Variants in DTHD1 observed in about 807,000 individuals in gnomAD.
DTHD1 encodes death domain containing 1, also known as death domain-containing protein 1.
DTHD1 carries 59 observed loss-of-function variants against 74.8 expected under a neutral mutation model. That is an observed-to-expected ratio of 0.79 (90% CI 0.64 to 0.98). The LOEUF (loss-of-function observed/expected upper bound fraction) is 0.98, where lower values mean the gene tolerates loss of function less well. DTHD1 is among the 50% of genes least tolerant of loss of function. The pLI is 0.00. For synonymous variants in DTHD1, 365 were observed against 371.1 expected (o/e 0.98, Z 0.19); for missense variants, 1,051 against 1,065.4 (o/e 0.99, Z 0.19).
chr4:36,341,093 G>A (rs978576625), intron 9 of DTHD1, among the ~76,000 whole-genome samples: 1 of 152,200 alleles, frequency 6.6e-6, no homozygotes, highest in Admixed American at 6.5e-5. Flanking sequence ...TTGAAGAAGG[G>A]CATAGAATGC....
chr4:36,290,990 T>C (rs761284786), intron 3 of DTHD1, among the ~76,000 whole-genome samples: 2 of 152,252 alleles, frequency 1.3e-5, no homozygotes, highest in Non-Finnish European at 2.9e-5. Flanking sequence ...TTTTGTGCTT[T>C]AGACTAACTT....
intron 7 of DTHD1, among the ~76,000 whole-genome samples, chr4:36,309,996 C>G (rs1757299479): frequency 6.6e-6 from 1 of 152,146 alleles, no homozygotes; most frequent in South Asian, 2.1e-4. Context: ...ATAATGACTT[C>G]TAGTTGCATC....
chr4:36,292,525 T>C (rs1187641327), intron 3 of DTHD1, among the ~76,000 whole-genome samples: 1 of 152,244 alleles, frequency 6.6e-6, no homozygotes, highest in Non-Finnish European at 1.5e-5. Flanking sequence ...ATGATTGAAG[T>C]GCACAGCAAC....
intron 7 of DTHD1, among the ~76,000 whole-genome samples, chr4:36,309,480 T>C (rs1757258695): frequency 6.6e-6 from 1 of 152,226 alleles, no homozygotes; most frequent in African/African-American, 2.4e-5. Context: ...GCTATTTTTG[T>C]TTTCACTCTA....
At chr4:36,306,010 T>C (rs1282388625) in intron 5 of DTHD1, among the ~76,000 whole-genome samples, 181 bp from the exon 6 acceptor site, 1 of 152,234 alleles carries the variant, frequency 6.6e-6, no homozygotes, top group African/African-American at 2.4e-5. Flanking sequence ...TACTACGTGC[T>C]TCTTTAGGGC....
rs1417070852 is a variant in DTHD1 at position 36,343,796 on chromosome 4, A to G, written c.2693A>G (p.Gln898Arg). The G allele has an allele frequency of 6.4e-7, 1 of 1,550,506 alleles. No individual in the cohort carries two copies. The highest frequency in any genetic ancestry group is 8.7e-7 in the Non-Finnish European group (1 of 1,146,396). ...KWENKVFTEP[Q>R]QCFDVAPE ...GAAAATAAAGTGTTCACTGAACCACAGCAGTGTTTTGATGTAGCCCCTGAG... is the reference window on the plus strand; with the variant it reads ...GAAAATAAAGTGTTCACTGAACCACGGCAGTGTTTTGATGTAGCCCCTGAG... The change falls in exon 10 of 10, where the codon CAG becomes CGG. Residue 898 changes from glutamine to arginine, a missense_variant. By Grantham distance (43) the Gln-to-Arg change is conservative. Transcript: ENST00000639862.
At chr4:36,285,978 T>C (rs951616198) in intron 2 of DTHD1, among the ~76,000 whole-genome samples, 1 of 152,202 alleles carries the variant, frequency 6.6e-6, no homozygotes, top group African/African-American at 2.4e-5. Context: ...ACTGATGCTC[T>C]TTCAGGTGTA....
chr4:36,343,126 T>C (rs1449563948), intron 9 of DTHD1, among the ~76,000 whole-genome samples: 1 of 148,972 alleles, frequency 6.7e-6, no homozygotes. Flanking sequence ...CAAAGCATGG[T>C]TGCGGACCTC....
rs151150710 is a variant in DTHD1 at position 36,296,116 on chromosome 4, A to T, written c.1643+1077A>T. Among the ~76,000 whole-genome samples the T allele has an allele frequency of 1.8e-4, 27 of 152,304 alleles. 1 individual carries two copies. The East Asian group carries it at 3.5e-3, about 20-fold the overall frequency. On this transcript the variant is annotated intron_variant, in intron 5 of 9. Coordinates refer to ENST00000639862, the MANE Select transcript of DTHD1 (RefSeq NM_001170700.3). ...CAGAAACCGATTATGTAAAAAAGGA[A>T]TGAAATCAATCTGGTATCAGTTTTA...
chr4:36,284,343 A>T lies in DTHD1; in HGVS notation c.639A>T (p.Pro213=), dbSNP rs1435069707. The stretch of plus-strand genomic sequence containing the variant: ...AAGAGTCACAGAATAAAATGTTCCC[A>T]GATAATGCAGAAAATGAAGATGATA... ...GQEESQNKMF[P]DNAENEDDKQ... Residue 213 remains proline, a synonymous_variant, in exon 2 of 10, where the codon CCA becomes CCT. Transcript: ENST00000639862. 6.5e-7 allele frequency: 1 copy of T among 1,537,210 alleles called. No individual in the cohort carries two copies. Among genetic ancestry groups the T allele is most frequent in the Admixed American group, 2.0e-5 (1 of 51,008 alleles).
chr4:36,325,402 T>C (rs149614916), intron 8 of DTHD1, among the ~76,000 whole-genome samples: 1,923 of 152,318 alleles, frequency 0.013, 41 homozygotes, highest in African/African-American at 0.044. Context: ...TGGAAAGCCA[T>C]TGGAAAATTT....
chr4:36,340,873 A>C (rs1042949484), intron 9 of DTHD1, among the ~76,000 whole-genome samples: 2 of 152,032 alleles, frequency 1.3e-5, no homozygotes, highest in Non-Finnish European at 2.9e-5. Context: ...TATTAGGAGG[A>C]AGAGAGTTAG....
chr4:36,295,509 T>C (rs144946335), intron 5 of DTHD1, among the ~76,000 whole-genome samples: 64 of 151,646 alleles, frequency 4.2e-4, no homozygotes, highest in Non-Finnish European at 8.6e-4. Flanking sequence ...CATTCAAGGG[T>C]AAGAAAAAAA....
intron 1 of DTHD1, among the ~76,000 whole-genome samples, chr4:36,282,404 A>C (rs1008843560): frequency 2.6e-5 from 4 of 152,228 alleles, no homozygotes; most frequent in African/African-American, 9.6e-5. Flanking sequence ...TAGAGACAGG[A>C]AAATACAGGC....
chr4:36,306,806 A>C (rs1757081455), intron 6 of DTHD1, among the ~76,000 whole-genome samples: 1 of 152,260 alleles, frequency 6.6e-6, no homozygotes, highest in East Asian at 1.9e-4. Context: ...AGCCACTCAT[A>C]GAGACAGGTG....
At chr4:36,343,229 A>G (rs1173584993) in intron 9 of DTHD1, among the ~76,000 whole-genome samples, 1 of 152,154 alleles carries the variant, frequency 6.6e-6, no homozygotes, top group African/African-American at 2.4e-5. Context: ...GAGCGTAAAA[A>G]CCATTTTAAC....
chr4:36,299,725 G>C (rs183113563), intron 5 of DTHD1, among the ~76,000 whole-genome samples: 1 of 152,212 alleles, frequency 6.6e-6, no homozygotes, highest in African/African-American at 2.4e-5. Flanking sequence ...CTGTCTCTAT[G>C]TGCCATATTC....
intron 1 of DTHD1, among the ~76,000 whole-genome samples, chr4:36,282,277 G>T (rs1197936722): frequency 6.6e-6 from 1 of 152,132 alleles, no homozygotes; most frequent in Non-Finnish European, 1.5e-5. Context: ...CCATCTGTAG[G>T]GTGGGGAATT....
chr4:36,321,666 C>A (rs151065196), intron 8 of DTHD1, among the ~76,000 whole-genome samples: 230 of 152,290 alleles, frequency 1.5e-3, no homozygotes, highest in Middle Eastern at 6.8e-3. Context: ...CTGAAACCAT[C>A]CCTCCAACAT....
Sources: gnomAD v4.1 joint callset for allele counts (sites outside exome capture counted in the v4.1 genomes callset) on GRCh38, gnomAD v4.1.1 for gene constraint, MANE v1.5 for transcripts, NCBI Gene and HGNC (gene_info 2026-07-23, HGNC 2026-07-21) for gene names.